AZI2: variants seen among roughly 807,000 people sequenced by gnomAD.
The protein encoded by AZI2 is 5-azacytidine induced 2, also known as 5-azacytidine-induced protein 2.
A neutral mutation model predicts 45.8 loss-of-function variants in AZI2; 22 were observed. The observed-to-expected ratio is 0.48, with a 90% CI of 0.34 to 0.69. AZI2 has a LOEUF of 0.69. Ranked by LOEUF, AZI2 falls within the 30% of genes least tolerant of loss-of-function variation. The pLI is 0.01. For missense variants in AZI2, 417 were observed against 441.5 expected, an observed-to-expected ratio of 0.94 and a Z score of 0.50; for synonymous variants, 137 against 156.7, an observed-to-expected ratio of 0.87 and a Z score of 0.94.
rs201784193 is a variant in AZI2, at chr3:28,324,438, T to A, written c.783A>T (p.Gly261=). 118 of 1,500,064 alleles carry A rather than the reference T, an allele frequency of 7.9e-5. No individual in the cohort carries two copies. Among genetic ancestry groups the A allele is most frequent in the Admixed American group, 1.6e-4 (7 of 44,612 alleles). 92.9% of individuals were successfully genotyped at this position (1,500,064 alleles called of 1,614,324 possible). Residue 261 remains glycine (G), a synonymous_variant, in exon 8 of 8, where the codon GGA becomes GGT. Coordinates refer to ENST00000479665, the MANE Select transcript of AZI2 (RefSeq NM_022461.5). Reference sequence around the variant, plus strand: ...TGTCTCTTCCAAGGTCTTCACTGCATCCTACAGGGGCACAGGCTAAAAAGA... The same window carrying A: ...TGTCTCTTCCAAGGTCTTCACTGCAACCTACAGGGGCACAGGCTAAAAAGA... ...TAIKKACAPV[G]CSEDLGRDST...
intron 5 of AZI2, among the ~76,000 whole-genome samples, chr3:28,335,896 C>G (rs942166134): frequency 2.6e-5 from 4 of 151,948 alleles, no homozygotes; most frequent in Non-Finnish European, 5.9e-5. Context: ...CTGGTTATAC[C>G]TTAGTTTGAG....
At chr3:28,339,536 A>G (rs972512186) in intron 2 of AZI2, among the ~76,000 whole-genome samples, 1 of 152,218 alleles carries the variant, frequency 6.6e-6, no homozygotes, top group African/African-American at 2.4e-5. Flanking sequence ...ATATGAATAC[A>G]AAGAAATTAT....
At position 28,324,279 on chromosome 3, in the gene AZI2, T is replaced by C; in HGVS notation, c.942A>G (p.Ala314=). 6.2e-7 allele frequency: 1 copy of C among 1,608,962 alleles called. No homozygotes were observed. The highest frequency in any genetic ancestry group is 8.5e-7 in the Non-Finnish European group (1 of 1,176,522). ...PGDVKVLSEK[A]ILQSWTDNER... ...CATTGTCTGTCCATGATTGGAGGAT[T>C]GCTTTCTCTGATAAAACCTTTACAT... Residue 314 remains alanine (A), a synonymous_variant, in exon 8 of 8, where the codon GCA becomes GCG. Transcript: ENST00000479665.
At chr3:28,334,949 T>G (rs1703729652) in intron 5 of AZI2, among the ~76,000 whole-genome samples, 1 of 151,996 alleles carries the variant, frequency 6.6e-6, no homozygotes, top group African/African-American at 2.4e-5. Context: ...AGCATAAAAC[T>G]GTGTCCCCTA....
At chr3:28,346,096 T>G (rs140002027) in intron 1 of AZI2, among the ~76,000 whole-genome samples, 38 of 152,142 alleles carry the variant, frequency 2.5e-4, no homozygotes, top group African/African-American at 8.4e-4. Flanking sequence ...CTGTCAGAAG[T>G]CTATGGTCTT....
intron 1 of AZI2, among the ~76,000 whole-genome samples, chr3:28,346,170 A>AT (rs1704220160): frequency 1.3e-5 from 2 of 152,166 alleles, no homozygotes; most frequent in African/African-American, 4.8e-5. Context: ...TGGACAAGGC[A>AT]TAACTATGTC....
intron 1 of AZI2, among the ~76,000 whole-genome samples, chr3:28,343,589 T>C (rs1172354697): frequency 2.6e-5 from 4 of 152,020 alleles, no homozygotes; most frequent in African/African-American, 9.7e-5. Flanking sequence ...GCTAAATGTT[T>C]ACAAACATTA....
chr3:28,325,830 A>G (rs1286703659), intron 7 of AZI2, among the ~76,000 whole-genome samples: 2 of 151,024 alleles, frequency 1.3e-5, no homozygotes, highest in Non-Finnish European at 3.0e-5. Flanking sequence ...AAGTGAACCA[A>G]AAATTAAGCT....
chr3:28,336,202 T>G (rs1164381999), intron 5 of AZI2, among the ~76,000 whole-genome samples: 5 of 152,056 alleles, frequency 3.3e-5, no homozygotes, highest in Non-Finnish European at 7.4e-5. Flanking sequence ...TTTTGTTATT[T>G]TTTTCCAATT....
chr3:28,328,705 TAC>T lies in AZI2; in HGVS notation c.648-1757_648-1756del, dbSNP rs796800090. On this transcript the variant is annotated intron_variant, in intron 6 of 7. Coordinates refer to ENST00000479665, the MANE Select transcript of AZI2 (RefSeq NM_022461.5). ...TCTTAATGTAACCTGAATTTAAAAC[TAC>T]AGATAGACAAATCTAAAATTATTAC... is the stretch of plus-strand genomic sequence containing the variant. Among the ~76,000 whole-genome samples, 176 of 151,406 alleles carry T rather than the reference TAC, an allele frequency of 1.2e-3. 1 individual carries two copies. Among genetic ancestry groups the T allele is most frequent in the African/African-American group, 3.9e-3 (162 of 41,466 alleles).
intron 1 of AZI2, among the ~76,000 whole-genome samples, chr3:28,343,142 AGGT>A (rs1168774158): frequency 6.6e-6 from 1 of 152,042 alleles, no homozygotes; most frequent in Non-Finnish European, 1.5e-5. Context: ...TATACCATAA[AGGT>A]AGGTAATAAA....
rs568895723 is a variant in AZI2 at position 28,338,690 on chromosome 3, C to T, written c.217-75G>A. On this transcript the variant is annotated intron_variant, in intron 2 of 7. Coordinates refer to ENST00000479665, the MANE Select transcript of AZI2 (RefSeq NM_022461.5). ...AAAAAATAAGTCAGTGTTCTGATGG[C>T]TCCATATCTTACTTCAATCGTAATA... is the stretch of plus-strand genomic sequence containing the variant. The T allele has an allele frequency of 3.4e-5, 45 of 1,312,840 alleles. No homozygotes were observed. The East Asian group carries it at 1.0e-3, about 29-fold the overall frequency. 81.3% of individuals were successfully genotyped at this position (1,312,840 alleles called of 1,614,324 possible). A position where few individuals can be genotyped will look rare whatever the true frequency, so the allele number is the denominator to read the frequency against.
intron 1 of AZI2, among the ~76,000 whole-genome samples, chr3:28,345,611 T>C (rs1409372130): frequency 6.6e-6 from 1 of 152,088 alleles, no homozygotes; most frequent in Non-Finnish European, 1.5e-5. Flanking sequence ...AAGGGCACAA[T>C]TTGTCAGATA....
intron 1 of AZI2, among the ~76,000 whole-genome samples, chr3:28,345,522 CG>C (rs1218392473): frequency 2.6e-5 from 4 of 151,478 alleles, no homozygotes; most frequent in African/African-American, 9.7e-5. Context: ...ATATAAAAAG[CG>C]AATTAGAAAA....
In AZI2 at chr3:28,329,746, AAAGT is replaced by A. The variant is rs1331668344; in HGVS notation, c.647+2619_647+2622del. On this transcript the variant is annotated intron_variant, in intron 6 of 7. Coordinates refer to ENST00000479665, the MANE Select transcript of AZI2 (RefSeq NM_022461.5). ...TTCTTAGCCAAGAGTTATAGACTTA[AAAGT>A]GTGTATTTTGACAACTGCGGTTCCC... Among the ~76,000 whole-genome samples, 8 of 151,372 alleles carry A rather than the reference AAAGT, an allele frequency of 5.3e-5. No homozygotes were observed. The East Asian group carries it at 1.6e-3, about 29-fold the overall frequency.
rs957390159 is a variant in AZI2 at position 28,340,445 on chromosome 3, T to C, written c.173A>G (p.Glu58Gly). The change falls in exon 2 of 8, where the codon GAG becomes GGG. Residue 58 changes from glutamate to glycine, a missense_variant. Coordinates refer to ENST00000479665, the MANE Select transcript of AZI2 (RefSeq NM_022461.5). ...TATTCTCTTCTTTAACAAAGAGTTC[T>C]CTTTCTCTGAATCCTTAAGTCGTTT... ...IKKRLKDSEK[E>G]NSLLKKRIRF... 2.5e-6 allele frequency: 4 copies of C among 1,611,472 alleles called. No individual in the cohort carries two copies. Among genetic ancestry groups the C allele is most frequent in the Non-Finnish European group, 2.5e-6 (3 of 1,178,114 alleles).
intron 1 of AZI2, among the ~76,000 whole-genome samples, chr3:28,345,682 G>C (rs887616527): frequency 5.3e-5 from 8 of 152,014 alleles, no homozygotes; most frequent in African/African-American, 1.9e-4. Flanking sequence ...GGAAAAAAAA[G>C]ATTCAAACAT....
At chr3:28,332,504 G>C (rs918816877) in intron 5 of AZI2, 77 bp from the exon 6 acceptor site, 22 of 1,234,384 alleles carry the variant, frequency 1.8e-5, no homozygotes, top group Non-Finnish European at 2.3e-5. Flanking sequence ...TTTCTTACCA[G>C]AGACATGTTC....
intron 1 of AZI2, among the ~76,000 whole-genome samples, chr3:28,347,927 T>G (rs1704324284): frequency 6.6e-6 from 1 of 152,246 alleles, no homozygotes. Flanking sequence ...CAATTTTAAT[T>G]CTGGTACGTC....
Sources: allele counts gnomAD v4.1 joint callset (sites outside exome capture counted in the v4.1 genomes callset), GRCh38; gene constraint gnomAD v4.1.1; transcripts MANE v1.5; gene names NCBI Gene and HGNC (gene_info 2026-07-23, HGNC 2026-07-21).